NDUFA10: variants seen among roughly 807,000 people sequenced by gnomAD.
NDUFA10 encodes NADH:ubiquinone oxidoreductase subunit A10, also known as NADH dehydrogenase [ubiquinone] 1 alpha subcomplex subunit 10, mitochondrial.
In NDUFA10, 40 loss-of-function variants were observed where a neutral mutation model predicts 47.8. That is an observed-to-expected ratio of 0.84 (90% CI 0.65 to 1.09). The LOEUF (loss-of-function observed/expected upper bound fraction) is 1.09, where lower values mean the gene tolerates loss of function less well. NDUFA10 is among the 50% of genes least tolerant of loss of function. The pLI is 0.00. For synonymous variants in NDUFA10, 183 were observed against 172.2 expected, an observed-to-expected ratio of 1.06 and a Z score of -0.49; for missense variants, 413 against 451.1, an observed-to-expected ratio of 0.92 and a Z score of 0.76.
intron 9 of NDUFA10, among the ~76,000 whole-genome samples, chr2:239,974,951 C>G (rs61494255): frequency 1.6e-5 from 1 of 62,856 alleles, no homozygotes; most frequent in Non-Finnish European, 3.1e-5. Context: ...CATTTAAAAA[C>G]ATGTGACACT....
intron 9 of NDUFA10, chr2:239,969,840 A>T (rs1695238742): frequency 2.2e-6 from 1 of 462,370 alleles, no homozygotes; most frequent in Non-Finnish European, 4.5e-6. Context: ...AGCAGCAGAA[A>T]CTATCCAAAA....
chr2:239,967,474 C>G (rs549785811), intron 9 of NDUFA10, among the ~76,000 whole-genome samples: 13 of 152,210 alleles, frequency 8.5e-5, no homozygotes, highest in African/African-American at 3.1e-4. Context: ...AGCTGGGAAC[C>G]TTTACTCTCT....
intron 9 of NDUFA10, among the ~76,000 whole-genome samples, chr2:239,967,003 T>C (rs1273224712): frequency 2.0e-5 from 3 of 152,220 alleles, no homozygotes; most frequent in Non-Finnish European, 1.5e-5. Flanking sequence ...TACATCACTC[T>C]GTGCCTCTTC....
intron 6 of NDUFA10, 31 bp from the exon 7 acceptor site, chr2:240,007,401 TA>T: frequency 1.4e-6 from 2 of 1,479,520 alleles, no homozygotes; most frequent in Non-Finnish European, 9.4e-7. Context: ...AAATTCAGTG[TA>T]AACTTTTCCA....
intron 4 of NDUFA10, among the ~76,000 whole-genome samples, chr2:239,903,553 CCTGACAAA>C (rs1486357759): frequency 6.6e-6 from 1 of 152,198 alleles, no homozygotes; most frequent in Non-Finnish European, 1.5e-5. Flanking sequence ...CGTGAGCATG[CCTGACAAA>C]TAAGGCTGGA....
intron 8 of NDUFA10, among the ~76,000 whole-genome samples, chr2:239,995,584 A>G (rs556572562): frequency 1.4e-4 from 21 of 152,238 alleles, no homozygotes; most frequent in African/African-American, 5.1e-4. Context: ...AGGGAAAAGC[A>G]TGGTAAAATG....
intron 9 of NDUFA10, among the ~76,000 whole-genome samples, chr2:239,970,272 A>G (rs931848643): frequency 7.9e-5 from 12 of 152,344 alleles, no homozygotes; most frequent in African/African-American, 2.9e-4. Context: ...GGGGAAAAAA[A>G]AACTGTCAAC....
chr2:240,025,164 T>TGGCCCCCCCCCCCCCCCC, intron 1 of NDUFA10, 63 bp downstream of exon 1: 1 of 594,914 alleles, frequency 1.7e-6, no homozygotes. Context: ...GTGGAACTGC[T>TGGCCCCCCCCCCCCCCCC]CCCCACCCCG....
At position 239,960,962 on chromosome 2, in the gene NDUFA10, A is replaced by G; in HGVS notation, c.*156T>C. ...TTCCCCCAACTCCATTACCTATACT[A>G]CAGGATGGATTGCTTTTTGTGAGAC... On this transcript the variant is annotated 3_prime_UTR_variant, in exon 10 of 10. Transcript: ENST00000252711. 1 of 1,532,736 alleles carries G rather than the reference A, an allele frequency of 6.5e-7. No individual in the cohort carries two copies. Among genetic ancestry groups the G allele is most frequent in the Non-Finnish European group, 8.8e-7 (1 of 1,139,334 alleles). 94.9% of individuals were successfully genotyped at this position (1,532,736 alleles called of 1,614,324 possible).
chr2:240,024,880 T>C (rs1479579046), intron 1 of NDUFA10, among the ~76,000 whole-genome samples: 1 of 152,182 alleles, frequency 6.6e-6, no homozygotes, highest in Non-Finnish European at 1.5e-5. Context: ...AAACGGCTCT[T>C]GACAGGGCTG....
At chr2:239,935,819 T>C (rs1694257268) in intron 4 of NDUFA10, among the ~76,000 whole-genome samples, 1 of 152,220 alleles carries the variant, frequency 6.6e-6, no homozygotes, top group Non-Finnish European at 1.5e-5. Context: ...TTTCACCTTC[T>C]GCCATGATTG....
chr2:239,999,254 A>C (rs1338233687), intron 8 of NDUFA10, among the ~76,000 whole-genome samples: 1 of 152,198 alleles, frequency 6.6e-6, no homozygotes, highest in Non-Finnish European at 1.5e-5. Flanking sequence ...GCACGTTTTC[A>C]TTCTGGACAG....
chr2:239,929,455 A>C (rs961164358), intron 4 of NDUFA10, among the ~76,000 whole-genome samples: 2 of 152,202 alleles, frequency 1.3e-5, no homozygotes, highest in African/African-American at 4.8e-5. Context: ...GGAATGCAAA[A>C]TAAGCCATGG....
At chr2:239,900,200 G>A (rs1056959143) in intron 4 of NDUFA10, among the ~76,000 whole-genome samples, 2 of 151,970 alleles carry the variant, frequency 1.3e-5, no homozygotes, top group Non-Finnish European at 2.9e-5. Flanking sequence ...TGTACTGTTG[G>A]CTTCCCTACT....
At chr2:239,907,677 C>A (rs1159203077) in intron 4 of NDUFA10, among the ~76,000 whole-genome samples, 1 of 152,060 alleles carries the variant, frequency 6.6e-6, no homozygotes, top group Admixed American at 6.5e-5. Flanking sequence ...CAGAGAAATG[C>A]AAATCAAAAC....
intron 8 of NDUFA10, among the ~76,000 whole-genome samples, chr2:239,998,161 C>A (rs566424189): frequency 6.6e-6 from 1 of 151,952 alleles, no homozygotes; most frequent in African/African-American, 2.4e-5. Flanking sequence ...ACCTTTGTTC[C>A]CGACTTTCTC....
At chr2:239,916,262 ACAG>A (rs377548226) in intron 4 of NDUFA10, among the ~76,000 whole-genome samples, 6,921 of 152,012 alleles carry the variant, frequency 0.046, 431 homozygotes, top group African/African-American at 0.15. Flanking sequence ...ACACACACAC[ACAG>A]AACACACACA....
At position 240,016,732 on chromosome 2, in the gene NDUFA10, A is replaced by C. The variant is rs79050961; in HGVS notation, c.547+1821T>G. Reference sequence around the variant, plus strand: ...CCCCCATCACCCCTTGGGCTTTCCCAAGGAAAGCATGCTCACGGTCAGTGC... The same window carrying C: ...CCCCCATCACCCCTTGGGCTTTCCCCAGGAAAGCATGCTCACGGTCAGTGC... On this transcript the variant is annotated intron_variant, in intron 4 of 9. Coordinates refer to ENST00000252711, the MANE Select transcript of NDUFA10 (RefSeq NM_004544.4). This position sits in a 1 kb window ranked among gnomAD's most constrained non-coding sequence, Gnocchi z 4.4. 0.035 allele frequency among the ~76,000 whole-genome samples: 5,261 copies of C among 152,062 alleles called. 148 individuals are homozygous for C. Among genetic ancestry groups the C allele is most frequent in the African/African-American group, 0.068 (2,818 of 41,450 alleles).
intron 9 of NDUFA10, among the ~76,000 whole-genome samples, chr2:239,975,734 G>A (rs1356658004): frequency 6.6e-6 from 1 of 151,978 alleles, no homozygotes; most frequent in Non-Finnish European, 1.5e-5. Context: ...TGACACTCCA[G>A]CCCCCAGCCC....
Sources: gnomAD v4.1 joint callset for allele counts (sites outside exome capture counted in the v4.1 genomes callset) on GRCh38, gnomAD v4.1.1 for gene constraint, Gnocchi (gnomAD v3.1) non-coding constraint, MANE v1.5 for transcripts, NCBI Gene and HGNC (gene_info 2026-07-23, HGNC 2026-07-21) for gene names.